Variants in POLR1F observed in about 807,000 individuals in gnomAD.
POLR1F encodes the protein RNA polymerase I subunit F, also known as DNA-directed RNA polymerase I subunit RPA43.
In POLR1F, 23 loss-of-function variants were observed where a neutral mutation model predicts 21.8. The ratio of observed to expected loss-of-function variants is 1.05; its 90% CI spans 0.76 to 1.49. The LOEUF (loss-of-function observed/expected upper bound fraction) is 1.49. POLR1F is among the 40% of genes most tolerant of loss of function. The pLI is 0.00. For missense variants in POLR1F, 435 were observed against 412.1 expected (o/e 1.06, Z -0.48); for synonymous variants, 162 against 152.8 (o/e 1.06, Z -0.45).
Position 19,708,822 on chromosome 7 carries a change from G to C in POLR1F, c.195C>G (p.Asn65Lys). The C allele has an allele frequency of 1.2e-6, 2 of 1,614,200 alleles. No homozygotes were observed. Among genetic ancestry groups the C allele is most frequent in the Non-Finnish European group, 1.7e-6 (2 of 1,180,000 alleles). The change falls in exon 1 of 4, where the codon AAC becomes AAG. Residue 65 changes from asparagine (N) to lysine (K), a missense_variant. Physicochemically the swap from Asn to Lys is moderately conservative, Grantham distance 94 (BLOSUM62 0). Transcript: ENST00000222567. Reference protein sequence around the residue: ...RHIALSPRYLNRKRTGIREQL... With the variant: ...RHIALSPRYLKRKRTGIREQL... ...GTTCTCGAATGCCGGTGCGTTTCCT[G>C]TTAAGGTAGCGGGGCGACAGCGCGA...
chr7:19,696,141 T>G lies in POLR1F; in HGVS notation c.*2175A>C, dbSNP rs142351022. ...AGATAGACTAGGTTAGTGCAGCATGTGCCAAATGTTTTGAAGAATACATAG... is the reference window on the plus strand; with the variant it reads ...AGATAGACTAGGTTAGTGCAGCATGGGCCAAATGTTTTGAAGAATACATAG... On this transcript the variant is annotated 3_prime_UTR_variant, in exon 4 of 4. Transcript: ENST00000222567. The G allele has an allele frequency of 6.6e-6, 1 of 152,170 alleles. No individual in the cohort carries two copies. The highest frequency in any genetic ancestry group is 2.4e-5 in the African/African-American group (1 of 41,544). 9.4% of individuals were successfully genotyped at this position (152,170 alleles called of 1,614,324 possible). A position where few individuals can be genotyped will look rare whatever the true frequency, so the allele number is the denominator to read the frequency against.
intron 2 of POLR1F, among the ~76,000 whole-genome samples, chr7:19,704,166 A>C (rs1360028106): frequency 6.6e-6 from 1 of 152,218 alleles, no homozygotes; most frequent in African/African-American, 2.4e-5. Flanking sequence ...TCAGCTAAGG[A>C]AAAGAACATA....
At chr7:19,708,708 T>C in intron 1 of POLR1F, 55 bp downstream of exon 1, 1 of 1,568,372 alleles carries the variant, frequency 6.4e-7, no homozygotes, top group Non-Finnish European at 8.7e-7. Flanking sequence ...CGTCAGCACA[T>C]CCACCTGCTT....
Position 19,700,241 on chromosome 7 carries a change from A to C in POLR1F, c.436T>G (p.Leu146Val). ...NKVSSSHIGC[L>V]VHGCFNASIP... ...GAGGCATTGAAACACCCATGTACTA[A>C]ACAGCCAATGTGGCTAGAAGACACT... Residue 146 changes from leucine to valine, a missense_variant, in exon 3 of 4, where the codon TTA becomes GTA. Leu to Val is a conservative substitution (Grantham distance 32). Transcript: ENST00000222567. 1 of 1,613,870 alleles carries C rather than the reference A, an allele frequency of 6.2e-7. No homozygotes were observed.
chr7:19,703,310 G>C lies in POLR1F; in HGVS notation c.396+1469C>G, dbSNP rs117440200. On this transcript the variant is annotated intron_variant, in intron 2 of 3. Transcript: ENST00000222567. The stretch of plus-strand genomic sequence containing the variant: ...GAAGAGTAATTATATCTGCAATAAA[G>C]AGAAGGAATTGGGCCAGGAAAGGGC... Among the ~76,000 whole-genome samples, 41 of 152,238 alleles carry C rather than the reference G, an allele frequency of 2.7e-4. No individual in the cohort carries two copies. In the East Asian group the frequency reaches 7.9e-3, roughly 29 times the overall value.
chr7:19,708,679 T>G, intron 1 of POLR1F, 84 bp downstream of exon 1: 1 of 1,539,742 alleles, frequency 6.5e-7, no homozygotes, highest in Non-Finnish European at 8.8e-7. Flanking sequence ...CCTTTGCCAT[T>G]TGCCCCTTTC....
At chr7:19,702,839 A>T (rs1388560094) in intron 2 of POLR1F, among the ~76,000 whole-genome samples, 1 of 152,200 alleles carries the variant, frequency 6.6e-6, no homozygotes, top group African/African-American at 2.4e-5. Flanking sequence ...AGATACTACT[A>T]TATGCCCATC....
In POLR1F at chr7:19,707,188, T is replaced by C. The variant is rs1213606314; in HGVS notation, c.254+1575A>G. On this transcript the variant is annotated intron_variant, in intron 1 of 3. Coordinates refer to ENST00000222567, the MANE Select transcript of POLR1F (RefSeq NM_001002926.2). ...CCTCTCCTTGTCCACTTTCTCATCC[T>C]ATTTGGTAGCTAACCATTAAGTAAA... 2.0e-5 allele frequency among the ~76,000 whole-genome samples: 3 copies of C among 152,358 alleles called. No homozygotes were observed. The East Asian group carries it at 5.8e-4, about 29-fold the overall frequency.
At chr7:19,703,188 A>T (rs1169382336) in intron 2 of POLR1F, among the ~76,000 whole-genome samples, 3 of 152,222 alleles carry the variant, frequency 2.0e-5, no homozygotes, top group Non-Finnish European at 4.4e-5. Flanking sequence ...ACTCAAAAAC[A>T]TGCTGATCAA....
intron 3 of POLR1F, among the ~76,000 whole-genome samples, chr7:19,699,723 C>T (rs897809541): frequency 1.3e-5 from 2 of 151,830 alleles, no homozygotes; most frequent in African/African-American, 4.8e-5. Context: ...ACAAAGCAGG[C>T]CAATAGTTAG....
chr7:19,701,545 A>C (rs1783446486), intron 2 of POLR1F, among the ~76,000 whole-genome samples: 1 of 152,186 alleles, frequency 6.6e-6, no homozygotes, highest in African/African-American at 2.4e-5. Flanking sequence ...ATAGTCACAA[A>C]CCTTTTTGGA....
chr7:19,700,542 T>A (rs1313098199), intron 2 of POLR1F, among the ~76,000 whole-genome samples: 1 of 152,148 alleles, frequency 6.6e-6, no homozygotes, highest in Non-Finnish European at 1.5e-5. Flanking sequence ...CTGGGCACAT[T>A]AACTTTCTAA....
At chr7:19,703,333 G>C (rs1783468951) in intron 2 of POLR1F, among the ~76,000 whole-genome samples, 1 of 152,076 alleles carries the variant, frequency 6.6e-6, no homozygotes, top group Non-Finnish European at 1.5e-5. Flanking sequence ...GCCAGGAAAG[G>C]GCATGAAGAT....
intron 1 of POLR1F, among the ~76,000 whole-genome samples, chr7:19,707,826 A>G (rs1250284090): frequency 6.6e-6 from 1 of 152,178 alleles, no homozygotes; most frequent in Non-Finnish European, 1.5e-5. Context: ...CAAGAAGTGT[A>G]TATTGGTGCT....
In POLR1F at chr7:19,698,328, ACTTTTCC is replaced by A. The variant is rs745913092; in HGVS notation, c.998_1004del (p.Gly333ValfsTer8). 1.0e-5 allele frequency: 16 copies of A among 1,562,106 alleles called. No individual in the cohort carries two copies. Among genetic ancestry groups the A allele is most frequent in the Non-Finnish European group, 1.4e-5 (16 of 1,163,310 alleles). On this transcript the variant is annotated frameshift_variant, in exon 4 of 4. Coordinates refer to ENST00000222567, the MANE Select transcript of POLR1F (RefSeq NM_001002926.2). LOFTEE classifies it high-confidence loss of function. ...TGTTTAAAATACACTAAAGAAAATT[ACTTTTCC>A]CTTTTCTTTTTGGTGAGCATTTCAA...
chr7:19,708,704 C>G, intron 1 of POLR1F, 59 bp downstream of exon 1: 1 of 1,563,654 alleles, frequency 6.4e-7, no homozygotes, highest in Non-Finnish European at 8.7e-7. Flanking sequence ...GCGTCGTCAG[C>G]ACATCCACCT....
At chr7:19,700,009 T>C in intron 3 of POLR1F, 63 bp downstream of exon 3, 1 of 1,377,514 alleles carries the variant, frequency 7.3e-7, no homozygotes, top group Non-Finnish European at 1.0e-6. Context: ...TAAAATTCTC[T>C]TTAAAATTCA....
chr7:19,702,322 A>G (rs1360802875), intron 2 of POLR1F, among the ~76,000 whole-genome samples: 1 of 152,232 alleles, frequency 6.6e-6, no homozygotes, highest in Non-Finnish European at 1.5e-5. Flanking sequence ...AATCAATGAA[A>G]GAAAAGGTTT....
In POLR1F at chr7:19,708,897, CA is replaced by C; in HGVS notation, c.119del (p.Leu40ArgfsTer2). ...ELPTYAAACA[L>X]VNSRYSCLVA... ...CCAGGCATGAGTAGCGACTGTTCAC[CA>C]GCGCACAAGCAGCGGCATAAGTCGG... On this transcript the variant is annotated frameshift_variant, in exon 1 of 4. Coordinates refer to ENST00000222567, the MANE Select transcript of POLR1F (RefSeq NM_001002926.2). LOFTEE classifies it high-confidence loss of function. 6.2e-7 allele frequency: 1 copy of C among 1,614,140 alleles called. No homozygotes were observed. Among genetic ancestry groups the C allele is most frequent in the Non-Finnish European group, 8.5e-7 (1 of 1,180,002 alleles).
Sources: gnomAD v4.1 joint callset for allele counts (sites outside exome capture counted in the v4.1 genomes callset) on GRCh38, gnomAD v4.1.1 for gene constraint, MANE v1.5 for transcripts, NCBI Gene and HGNC (gene_info 2026-07-23, HGNC 2026-07-21) for gene names.